Variants in C11orf65 observed in about 807,000 individuals in gnomAD.
The protein encoded by C11orf65 is chromosome 11 open reading frame 65.
A neutral mutation model predicts 35.3 loss-of-function variants in C11orf65; 38 were observed. The ratio of observed to expected loss-of-function variants is 1.08; its 90% CI spans 0.83 to 1.41. The LOEUF (loss-of-function observed/expected upper bound fraction) is 1.41. Among genes scored for constraint, C11orf65 ranks in the 40% most tolerant of loss-of-function variants. The pLI is 0.00. For synonymous variants in C11orf65, 105 were observed against 114.4 expected, an observed-to-expected ratio of 0.92 and a Z score of 0.53; for missense variants, 370 against 367.1, an observed-to-expected ratio of 1.01 and a Z score of -0.06.
chr11:108,459,726 T>TACGCGCACACAC (rs915851145), intron 2 of C11orf65, among the ~76,000 whole-genome samples: 9 of 138,570 alleles, frequency 6.5e-5, no homozygotes, highest in African/African-American at 2.4e-4. Context: ...GTCCTCCGTC[T>TACGCGCACACAC]ACACACACAC....
chr11:108,428,125 A>G (rs61913875), intron 3 of C11orf65, among the ~76,000 whole-genome samples: 65,464 of 151,836 alleles, frequency 0.43, 14,409 homozygotes, highest in Middle Eastern at 0.66. Context: ...CACCGCGCCC[A>G]CCCAGAATGG....
chr11:108,401,781 C>G (rs2092444352), intron 6 of C11orf65, among the ~76,000 whole-genome samples: 1 of 152,234 alleles, frequency 6.6e-6, no homozygotes, highest in African/African-American at 2.4e-5. Context: ...GATTCCTTAT[C>G]AATCCTGCTA....
At chr11:108,330,511 T>C, downstream of C11orf65, 2 of 1,315,208 alleles carry the variant, frequency 1.5e-6, no homozygotes, top group Non-Finnish European at 2.2e-6. Context: ...TACCTCTTTG[T>C]ATTCCTAGCA....
intron 6 of C11orf65, among the ~76,000 whole-genome samples, chr11:108,315,180 A>G (rs1234578513): frequency 6.6e-6 from 1 of 152,256 alleles, no homozygotes; most frequent in African/African-American, 2.4e-5. Context: ...TTAGTGTCAC[A>G]TGGCATTTTA....
At chr11:108,331,724 A>G (rs921884489) in intron 3 of C11orf65, among the ~76,000 whole-genome samples, 5 of 152,082 alleles carry the variant, frequency 3.3e-5, no homozygotes, top group African/African-American at 1.2e-4. Context: ...CTAATTCCTC[A>G]TAGGCCTCTG....
intron 2 of C11orf65, chr11:108,368,861 G>T: frequency 5.0e-6 from 1 of 200,704 alleles, no homozygotes. Flanking sequence ...TTTAAATATG[G>T]TCTAAAGCAA....
intron 6 of C11orf65, among the ~76,000 whole-genome samples, chr11:108,324,166 A>G (rs639923): frequency 0.03 from 4,577 of 152,240 alleles, 112 homozygotes; most frequent in Non-Finnish European, 0.045. Flanking sequence ...ACATTCTCCT[A>G]TTACACGTAA....
chr11:108,343,509 A>C (rs951586647), intron 2 of C11orf65: 83 of 1,025,270 alleles, frequency 8.1e-5, no homozygotes, highest in Non-Finnish European at 1.0e-4. Context: ...TAAAAGAAAA[A>C]CTCATCAGAA....
At chr11:108,411,178 T>C (rs1253727620) in intron 3 of C11orf65, among the ~76,000 whole-genome samples, 1 of 152,198 alleles carries the variant, frequency 6.6e-6, no homozygotes, top group Non-Finnish European at 1.5e-5. Flanking sequence ...TGATGTCACA[T>C]TTTCATTATG....
At position 108,310,153 on chromosome 11, in the gene C11orf65, T is replaced by C. The variant is rs1555110216; in HGVS notation, c.641-1082A>G. The stretch of plus-strand genomic sequence containing the variant: ...AGTGAATGACATTATATCTCATTTT[T>C]CTTTAGACCTTCTTCAGGAACAATT... On this transcript the variant is annotated intron_variant, in intron 6 of 6. Coordinates refer to the C11orf65 transcript ENST00000525729. 1 of 1,612,248 alleles carries C rather than the reference T, an allele frequency of 6.2e-7. No individual in the cohort carries two copies.
At position 108,384,431 on chromosome 11, in the gene C11orf65, T is replaced by C. The variant is rs1437888610; in HGVS notation, c.788-1256A>G. On this transcript the variant is annotated intron_variant, in intron 8 of 8. Transcript: ENST00000393084. ...ACCTATGTGCTAGGTACTACCGTTA[T>C]TCTTCTTTTACTAGTGAAGAAACCG... Among the ~76,000 whole-genome samples the C allele has an allele frequency of 2.6e-5, 4 of 152,300 alleles. No homozygotes were observed. The East Asian group carries it at 5.8e-4, about 22-fold the overall frequency.
intron 6 of C11orf65, among the ~76,000 whole-genome samples, chr11:108,395,746 G>A (rs1419606918): frequency 1.3e-5 from 2 of 148,386 alleles, no homozygotes; most frequent in African/African-American, 5.0e-5. Context: ...TCAGCCTCCC[G>A]AGTAGCTGGG....
intron 2 of C11orf65, among the ~76,000 whole-genome samples, chr11:108,449,214 G>T (rs920156507): frequency 6.6e-6 from 1 of 151,958 alleles, no homozygotes; most frequent in African/African-American, 2.4e-5. Context: ...ACTGCCCAAG[G>T]TAATTTATAG....
intron 2 of C11orf65, among the ~76,000 whole-genome samples, chr11:108,362,626 A>C (rs2090906916): frequency 6.7e-6 from 1 of 150,078 alleles, no homozygotes; most frequent in South Asian, 2.2e-4. Context: ...GCCATAAAAA[A>C]TGATGAGTTC....
chr11:108,393,258 T>C lies in C11orf65; in HGVS notation c.681A>G (p.Glu227=), dbSNP rs1414798825. Reference sequence around the variant, plus strand: ...AGTTCAGCACTTCATCCACTTCCCATTCCATCACAGAATCTATCCCCCCAT... The same window carrying C: ...AGTTCAGCACTTCATCCACTTCCCACTCCATCACAGAATCTATCCCCCCAT... ...FEDGGIDSVM[E]WEVDEVLNWT... The change falls in exon 7 of 9, where the codon GAA becomes GAG. Residue 227 remains glutamate (E), a synonymous_variant. Coordinates refer to ENST00000393084, the MANE Select transcript of C11orf65 (RefSeq NM_152587.5). The C allele has an allele frequency of 1.2e-6, 2 of 1,613,938 alleles. No homozygotes were observed. The highest frequency in any genetic ancestry group is 2.7e-5 in the African/African-American group (2 of 74,920).
At chr11:108,431,642 AAC>A (rs1326961443) in intron 3 of C11orf65, 102 bp downstream of exon 3, 50 of 581,352 alleles carry the variant, frequency 8.6e-5, no homozygotes, top group Admixed American at 5.7e-4. Context: ...CTTTAATAAA[AAC>A]AGTTTTAAAA....
rs1466545116 is a variant in C11orf65, at chr11:108,312,509, G to A, written c.641-3438C>T. ...GGAATAAGTTTACAGGTAAATATTA[G>A]AGGCTCTATTATTTATGACAGTATT... On this transcript the variant is annotated intron_variant, in intron 6 of 6. Coordinates refer to the C11orf65 transcript ENST00000525729. 6.6e-7 allele frequency: 1 copy of A among 1,521,008 alleles called. No homozygotes were observed. The highest frequency in any genetic ancestry group is 9.1e-7 in the Non-Finnish European group (1 of 1,095,970). The allele number at this position is 1,521,008 out of a possible 1,614,324, so 94.2% of individuals were successfully genotyped here. A position where few individuals can be genotyped will look rare whatever the true frequency, so the allele number is the denominator to read the frequency against.
intron 3 of C11orf65, among the ~76,000 whole-genome samples, chr11:108,417,377 T>C (rs886226553): frequency 6.6e-6 from 1 of 151,954 alleles, no homozygotes; most frequent in African/African-American, 2.4e-5. Flanking sequence ...ATACCATCTC[T>C]ACTAAAAATA....
chr11:108,410,670 C>T (rs2092637615), intron 3 of C11orf65, among the ~76,000 whole-genome samples: 1 of 151,168 alleles, frequency 6.6e-6, no homozygotes, highest in African/African-American at 2.4e-5. Flanking sequence ...ACTTTCTATT[C>T]ATTGATTTCT....
Sources: allele counts gnomAD v4.1 joint callset (sites outside exome capture counted in the v4.1 genomes callset), GRCh38; gene constraint gnomAD v4.1.1; transcripts MANE v1.5; gene names NCBI Gene and HGNC (gene_info 2026-07-23, HGNC 2026-07-21).